Variants in CATSPERB observed in about 807,000 individuals in gnomAD.
CATSPERB encodes cation channel sperm-associated auxiliary subunit beta.
CATSPERB carries 93 observed loss-of-function variants against 128.3 expected under a neutral mutation model. That is an observed-to-expected ratio of 0.72 (90% CI 0.61 to 0.86). CATSPERB has a LOEUF of 0.86. CATSPERB is among the 40% of genes least tolerant of loss of function. CATSPERB has a pLI of 0.00. For synonymous variants in CATSPERB, 381 were observed against 448.8 expected, an observed-to-expected ratio of 0.85 and a Z score of 1.91; for missense variants, 1,153 against 1,329.5, an observed-to-expected ratio of 0.87 and a Z score of 2.06.
In CATSPERB at chr14:91,669,977, G is replaced by A. The variant is rs1895059455; in HGVS notation, c.1129-5C>T. ...GGCAATGGCAGTTTTCCTGACCTAG[G>A]TAAACAAAGAATGAGCAAGTCATAA... On this transcript the variant is annotated splice_region_variant and splice_polypyrimidine_tract_variant and intron_variant, in intron 13 of 26. Coordinates refer to ENST00000256343, the MANE Select transcript of CATSPERB (RefSeq NM_024764.4). The A allele has an allele frequency of 3.7e-6, 6 of 1,608,950 alleles. No homozygotes were observed. In the South Asian group the frequency reaches 5.6e-5, roughly 15 times the overall value.
chr14:91,637,548 GC>G (rs1333042280), intron 16 of CATSPERB, among the ~76,000 whole-genome samples: 4 of 152,188 alleles, frequency 2.6e-5, no homozygotes, highest in African/African-American at 9.7e-5. Context: ...AAGAGCACAG[GC>G]CCCGGAGCCA....
intron 14 of CATSPERB, among the ~76,000 whole-genome samples, chr14:91,668,950 C>T (rs532666015): frequency 1.4e-4 from 22 of 152,184 alleles, no homozygotes; most frequent in Non-Finnish European, 2.9e-4. Context: ...AAGAACCCAC[C>T]GGAAGGAACC....
intron 2 of CATSPERB, among the ~76,000 whole-genome samples, chr14:91,727,740 C>A (rs1251508876): frequency 6.6e-6 from 1 of 152,180 alleles, no homozygotes; most frequent in African/African-American, 2.4e-5. Flanking sequence ...AGACACTAAA[C>A]AGAAGGAAAC....
At chr14:91,670,083 T>C (rs1319725180) in intron 13 of CATSPERB, 111 bp from the exon 14 acceptor site, 1 of 928,384 alleles carries the variant, frequency 1.1e-6, no homozygotes, top group Non-Finnish European at 1.7e-6. Flanking sequence ...TAACACAACA[T>C]AGAACTAGAA....
intron 22 of CATSPERB, among the ~76,000 whole-genome samples, chr14:91,599,170 T>C (rs1419193256): frequency 6.6e-6 from 1 of 152,036 alleles, no homozygotes; most frequent in East Asian, 1.9e-4. Context: ...TGATAAGAGA[T>C]TTGTCAAAGG....
Position 91,719,469 on chromosome 14 carries a change from G to A in CATSPERB, c.319C>T (p.Arg107Trp), listed in dbSNP as rs770819708. Residue 107 changes from arginine (R) to tryptophan (W), a missense_variant, in exon 5 of 27, where the codon CGG becomes TGG. Transcript: ENST00000256343. The stretch of plus-strand genomic sequence containing the variant: ...GGAATATCAACCAACCACAAAATCC[G>A]ATCACTGAACTTGAATAAAGAAGAC... Reference protein sequence around the residue: ...FHFNLTLFSDRILWLVDIPRE... With the variant: ...FHFNLTLFSDWILWLVDIPRE... 3.7e-6 allele frequency: 6 copies of A among 1,609,996 alleles called. No homozygotes were observed. Among genetic ancestry groups the A allele is most frequent in the Non-Finnish European group, 4.2e-6 (5 of 1,177,868 alleles).
intron 26 of CATSPERB, among the ~76,000 whole-genome samples, chr14:91,584,905 C>G (rs564417222): frequency 6.6e-6 from 1 of 152,268 alleles, no homozygotes; most frequent in South Asian, 2.1e-4. Flanking sequence ...CTATCTTTAT[C>G]TTGTTTAGGG....
chr14:91,690,412 G>T (rs1414540880), intron 10 of CATSPERB, among the ~76,000 whole-genome samples: 2 of 152,140 alleles, frequency 1.3e-5, no homozygotes, highest in Non-Finnish European at 2.9e-5. Flanking sequence ...CAGGGCTCCT[G>T]CTCTCCCAGG....
chr14:91,592,221 G>T, intron 22 of CATSPERB: 1 of 532,332 alleles, frequency 1.9e-6, no homozygotes, highest in Non-Finnish European at 3.3e-6. Flanking sequence ...GTATTACTCA[G>T]CCGCTTGCCG....
chr14:91,649,702 A>G (rs1168802359), intron 15 of CATSPERB, among the ~76,000 whole-genome samples: 2 of 115,926 alleles, frequency 1.7e-5, no homozygotes, highest in Non-Finnish European at 3.9e-5. Context: ...GATTCCAAAA[A>G]AATTCCTAAC....
chr14:91,724,018 G>A lies in CATSPERB; in HGVS notation c.169-829C>T, dbSNP rs76990692. ...TACAATTTTTCACAGGGTTATTAGC[G>A]AATAAAAAACAATATTTTCCTCACA... is the stretch of plus-strand genomic sequence containing the variant. On this transcript the variant is annotated intron_variant, in intron 3 of 26. Transcript: ENST00000256343. Among the ~76,000 whole-genome samples the A allele has an allele frequency of 5.9e-3, 903 of 152,186 alleles. 10 individuals are homozygous for A. Among genetic ancestry groups the A allele is most frequent in the African/African-American group, 0.021 (863 of 41,542 alleles).
At position 91,659,838 on chromosome 14, in the gene CATSPERB, T is replaced by C. The variant is rs781545679; in HGVS notation, c.1431A>G (p.Ala477=). The C allele has an allele frequency of 1.0e-4, 160 of 1,601,502 alleles. No individual in the cohort carries two copies. The highest frequency in any genetic ancestry group is 2.3e-4 in the Admixed American group (13 of 56,932). ...SQRGKVYSTK[A]GMGRYSAVGS... ...CACCAGTGAAAGCAAATTTCTTACCTGCCTTTGTCGAGTAAACCTTTCCAC... is the reference window on the plus strand; with the variant it reads ...CACCAGTGAAAGCAAATTTCTTACCCGCCTTTGTCGAGTAAACCTTTCCAC... Residue 477 remains alanine (A), a splice_region_variant and synonymous_variant, in exon 15 of 27, where the codon GCA becomes GCG. Transcript: ENST00000256343.
At chr14:91,728,774 C>T (rs1896161271) in intron 2 of CATSPERB, among the ~76,000 whole-genome samples, 1 of 152,198 alleles carries the variant, frequency 6.6e-6, no homozygotes, top group Admixed American at 6.5e-5. Flanking sequence ...AGGGAAACCA[C>T]ACAAGTGTAA....
chr14:91,654,090 G>A (rs910439104), intron 15 of CATSPERB, among the ~76,000 whole-genome samples: 1 of 152,140 alleles, frequency 6.6e-6, no homozygotes, highest in Non-Finnish European at 1.5e-5. Flanking sequence ...AGAAGGAGGT[G>A]GGTGAGTAGA....
chr14:91,633,230 G>T (rs1894309152), intron 17 of CATSPERB, among the ~76,000 whole-genome samples: 1 of 152,112 alleles, frequency 6.6e-6, no homozygotes, highest in African/African-American at 2.4e-5. Flanking sequence ...TCTTATGTCA[G>T]TTTAATTCTC....
intron 14 of CATSPERB, 128 bp downstream of exon 14, chr14:91,669,686 A>G: frequency 1.2e-6 from 1 of 860,100 alleles, no homozygotes; most frequent in East Asian, 2.9e-5. Flanking sequence ...TAGTCAATAA[A>G]TATTGTCTTC....
intron 25 of CATSPERB, 72 bp from the exon 26 acceptor site, chr14:91,587,348 ACCCTGGGGCCACTGT>A: frequency 9.0e-7 from 1 of 1,113,652 alleles, no homozygotes; most frequent in Non-Finnish European, 1.3e-6. Flanking sequence ...ATAAAAATAT[ACCCTGGGGCCACTGT>A]CCCTATAGAT....
At chr14:91,601,661 A>T (rs1362550103) in intron 22 of CATSPERB, among the ~76,000 whole-genome samples, 1 of 152,142 alleles carries the variant, frequency 6.6e-6, no homozygotes, top group Non-Finnish European at 1.5e-5. Flanking sequence ...AAGGGGAAAA[A>T]TAAATTTTTT....
At chr14:91,695,240 G>A (rs1008250927) in intron 7 of CATSPERB, among the ~76,000 whole-genome samples, 6 of 150,392 alleles carry the variant, frequency 4.0e-5, no homozygotes, top group African/African-American at 7.4e-5. Flanking sequence ...AGCAATTCTC[G>A]TGCCTCATCC....
Sources: allele counts gnomAD v4.1 joint callset (sites outside exome capture counted in the v4.1 genomes callset), GRCh38; gene constraint gnomAD v4.1.1; transcripts MANE v1.5; gene names NCBI Gene and HGNC (gene_info 2026-07-23, HGNC 2026-07-21).